Variants in DLGAP1 observed in about 807,000 individuals in gnomAD.
DLGAP1 encodes DLG associated protein 1.
In DLGAP1, 11 loss-of-function variants were observed where a neutral mutation model predicts 90.8. The ratio of observed to expected loss-of-function variants is 0.12; its 90% CI spans 0.08 to 0.20. DLGAP1 has a LOEUF of 0.20. DLGAP1 is among the 10% of genes least tolerant of loss of function. DLGAP1 has a pLI of 1.00. For synonymous variants in DLGAP1, 558 were observed against 540.7 expected (o/e 1.03, Z -0.44); for missense variants, 1,050 against 1,333.8 (o/e 0.79, Z 3.31).
intron 5 of DLGAP1, among the ~76,000 whole-genome samples, chr18:3,791,080 G>A (rs568929386): frequency 9.8e-5 from 15 of 152,320 alleles, no homozygotes; most frequent in African/African-American, 3.6e-4. Context: ...CCATGGACAT[G>A]GCTTTTGGGC....
In DLGAP1 at chr18:3,626,233, A is replaced by G. The variant is rs192552964; in HGVS notation, c.1592-43985T>C. Among the ~76,000 whole-genome samples, 185 of 150,798 alleles carry G rather than the reference A, an allele frequency of 1.2e-3. 1 individual carries two copies. Among genetic ancestry groups the G allele is most frequent in the African/African-American group, 4.4e-3 (181 of 41,060 alleles). ...ACTTTAGCCCGAGGTTGAGGCTACA[A>G]TGAGTAGTGATCGCGCCAGTGCACT... On this transcript the variant is annotated intron_variant, in intron 7 of 12. Coordinates refer to ENST00000315677, the MANE Select transcript of DLGAP1 (RefSeq NM_004746.4).
At chr18:3,754,606 G>A (rs371420916) in intron 5 of DLGAP1, among the ~76,000 whole-genome samples, 19 of 151,424 alleles carry the variant, frequency 1.3e-4, no homozygotes, top group Admixed American at 9.9e-4. Flanking sequence ...AGAGGGGTGG[G>A]GGGTGGCTCA....
intron 5 of DLGAP1, among the ~76,000 whole-genome samples, chr18:3,804,032 C>T (rs2066450538): frequency 1.4e-5 from 2 of 143,530 alleles, no homozygotes; most frequent in South Asian, 2.2e-4. Context: ...CTGGCTCTGT[C>T]GGCCAGGCTA....
intron 3 of DLGAP1, among the ~76,000 whole-genome samples, chr18:3,886,141 C>T (rs753531718): frequency 1.3e-5 from 2 of 152,110 alleles, no homozygotes; most frequent in Non-Finnish European, 2.9e-5. Flanking sequence ...GACAGGCAGG[C>T]AATTGCGACT....
chr18:3,899,662 C>G (rs188196726), intron 3 of DLGAP1, among the ~76,000 whole-genome samples: 15 of 152,316 alleles, frequency 9.8e-5, no homozygotes, highest in Non-Finnish European at 1.5e-5. Flanking sequence ...TAGTTTCCTT[C>G]TACCATAGCA....
At chr18:3,680,653 A>G (rs1401414714) in intron 7 of DLGAP1, among the ~76,000 whole-genome samples, 7 of 152,022 alleles carry the variant, frequency 4.6e-5, no homozygotes, top group South Asian at 4.2e-4. Context: ...GCTGGGCGTG[A>G]TGGCGGGCAC....
chr18:3,542,005 C>T (rs924901702), intron 9 of DLGAP1, among the ~76,000 whole-genome samples: 1 of 152,170 alleles, frequency 6.6e-6, no homozygotes, highest in African/African-American at 2.4e-5. Flanking sequence ...CCTTCAACAC[C>T]TCTGACTCAG....
intron 1 of DLGAP1, among the ~76,000 whole-genome samples, chr18:4,354,600 T>C (rs1457186672): frequency 6.6e-6 from 1 of 152,084 alleles, no homozygotes; most frequent in Non-Finnish European, 1.5e-5. Context: ...GCAATGCTTT[T>C]CTCTTGTTAA....
At chr18:3,664,222 A>ACCCCCCCC (rs1490358382) in intron 7 of DLGAP1, among the ~76,000 whole-genome samples, 1 of 149,890 alleles carries the variant, frequency 6.7e-6, no homozygotes, top group African/African-American at 2.5e-5. Context: ...ACACACCCAC[A>ACCCCCCCC]CACACACACA....
intron 6 of DLGAP1, among the ~76,000 whole-genome samples, chr18:3,739,575 A>G (rs1411092677): frequency 7.1e-6 from 1 of 140,636 alleles, no homozygotes; most frequent in Non-Finnish European, 1.5e-5. Flanking sequence ...GAATTGAACA[A>G]TGAGATCACA....
chr18:4,430,907 A>T (rs1475862143), intron 1 of DLGAP1: 1 of 153,030 alleles, frequency 6.5e-6, no homozygotes, highest in African/African-American at 2.4e-5. Flanking sequence ...TCATTGCTCA[A>T]GCATGTTTTC....
intron 1 of DLGAP1, among the ~76,000 whole-genome samples, chr18:4,228,288 C>T (rs182005661): frequency 3.1e-4 from 47 of 152,004 alleles, no homozygotes; most frequent in Admixed American, 5.2e-4. Flanking sequence ...AAACATCCTA[C>T]TCAAACTGTT....
chr18:3,597,402 GT>G (rs1469424900), intron 7 of DLGAP1: 3 of 373,396 alleles, frequency 8.0e-6, no homozygotes, highest in African/African-American at 6.4e-5. Context: ...GGGGTAGCTG[GT>G]TGTTTTAAGA....
chr18:4,166,655 C>T (rs184824717), intron 1 of DLGAP1, among the ~76,000 whole-genome samples: 223 of 152,322 alleles, frequency 1.5e-3, no homozygotes, highest in African/African-American at 4.8e-3. Flanking sequence ...ACACCATCCA[C>T]GTGTTCATGA....
At chr18:3,651,197 A>G (rs2059289360) in intron 7 of DLGAP1, among the ~76,000 whole-genome samples, 1 of 151,566 alleles carries the variant, frequency 6.6e-6, no homozygotes, top group African/African-American at 2.4e-5. Context: ...CCTCTCTACT[A>G]AAAATACAAA....
chr18:4,439,751 G>A (rs942926871), intron 1 of DLGAP1, among the ~76,000 whole-genome samples: 4 of 151,704 alleles, frequency 2.6e-5, no homozygotes, highest in Non-Finnish European at 2.9e-5. Context: ...TCAAGGTTAT[G>A]GTAAGCCATG....
At position 3,714,636 on chromosome 18, in the gene DLGAP1, G is replaced by A. The variant is rs1228173959; in HGVS notation, c.1591+14499C>T. On this transcript the variant is annotated intron_variant, in intron 7 of 12. Coordinates refer to ENST00000315677, the MANE Select transcript of DLGAP1 (RefSeq NM_004746.4). ...AGGTTTAAAAGAATTAGCTGATTAC[G>A]TGGTTTTTTTTTTTTTTTTTTTTTT... 9.8e-5 allele frequency among the ~76,000 whole-genome samples: 13 copies of A among 133,110 alleles called. No homozygotes were observed. In the South Asian group the frequency reaches 2.7e-3, roughly 28 times the overall value. 87.3% of individuals were successfully genotyped at this position (133,110 alleles called of 152,430 possible).
chr18:4,423,602 T>C (rs1419423356), intron 1 of DLGAP1, among the ~76,000 whole-genome samples: 1 of 152,158 alleles, frequency 6.6e-6, no homozygotes, highest in Non-Finnish European at 1.5e-5. Context: ...CAGAATTTGC[T>C]AGATTATTCT....
intron 7 of DLGAP1, among the ~76,000 whole-genome samples, chr18:3,600,114 G>A (rs2056813809): frequency 2.0e-5 from 3 of 151,928 alleles, no homozygotes; most frequent in African/African-American, 4.8e-5. Flanking sequence ...GTAAAGACAG[G>A]GTCTCACTAT....
Sources: allele counts gnomAD v4.1 joint callset (sites outside exome capture counted in the v4.1 genomes callset), GRCh38; gene constraint gnomAD v4.1.1; transcripts MANE v1.5; gene names NCBI Gene and HGNC (gene_info 2026-07-23, HGNC 2026-07-21).